Variants in IMPG1 observed in about 807,000 individuals in gnomAD.
IMPG1 encodes interphotoreceptor matrix proteoglycan 1.
IMPG1 carries 85 observed loss-of-function variants against 92.0 expected under a neutral mutation model. The ratio of observed to expected loss-of-function variants is 0.92; its 90% CI spans 0.78 to 1.11. IMPG1 has a LOEUF of 1.11. Ranked by LOEUF, IMPG1 falls within the 50% of genes least tolerant of loss-of-function variation. The pLI is 0.00. For missense variants in IMPG1, 1,022 were observed against 956.0 expected (o/e 1.07, Z -0.91); for synonymous variants, 367 against 334.1 (o/e 1.10, Z -1.08).
chr6:75,991,900 G>A (rs1461353322), intron 12 of IMPG1, among the ~76,000 whole-genome samples: 1 of 152,106 alleles, frequency 6.6e-6, no homozygotes, highest in Non-Finnish European at 1.5e-5. Flanking sequence ...TTCCGACTGT[G>A]CTGAGCTCAT....
Position 76,005,335 on chromosome 6 carries a change from G to C in IMPG1, c.1087C>G (p.Leu363Val). 6.2e-7 allele frequency: 1 copy of C among 1,613,928 alleles called. No individual in the cohort carries two copies. Among genetic ancestry groups the C allele is most frequent in the Non-Finnish European group, 8.5e-7 (1 of 1,179,856 alleles). ...ACATCCAAAGATTGTTCTTCCTCTA[G>C]TGCTTTGCTGATCAGCCTTTTGAGG... ...TDLKRLISKA[L>V]EEEQSLDVGT... Residue 363 changes from leucine (L) to valine (V), a missense_variant, in exon 10 of 17, where the codon CTA becomes GTA. Physicochemically the swap from Leu to Val is conservative, Grantham distance 32. Coordinates refer to ENST00000369950, the MANE Select transcript of IMPG1 (RefSeq NM_001563.4).
At chr6:76,009,833 A>G (rs1399007644) in intron 8 of IMPG1, among the ~76,000 whole-genome samples, 1 of 152,264 alleles carries the variant, frequency 6.6e-6, no homozygotes, top group Non-Finnish European at 1.5e-5. Flanking sequence ...GAGGTGGATA[A>G]TGAACATTTT....
chr6:76,006,529 CGT>C (rs557341296), intron 9 of IMPG1, among the ~76,000 whole-genome samples: 12 of 146,822 alleles, frequency 8.2e-5, no homozygotes, highest in East Asian at 2.0e-4. Flanking sequence ...GGTATATATA[CGT>C]GTGTGTGTGT....
chr6:75,999,286 G>C (rs1226454071), intron 12 of IMPG1, among the ~76,000 whole-genome samples: 1 of 149,768 alleles, frequency 6.7e-6, no homozygotes, highest in Admixed American at 6.6e-5. Flanking sequence ...TAGTGTCCTA[G>C]ATGCATATTT....
At chr6:76,056,537 G>A (rs1201078041) in intron 1 of IMPG1, among the ~76,000 whole-genome samples, 1 of 151,932 alleles carries the variant, frequency 6.6e-6, no homozygotes, top group East Asian at 1.9e-4. Context: ...TCATTTTTTG[G>A]GCATGCACCC....
chr6:75,926,203 T>C (rs1271680323), intron 15 of IMPG1, among the ~76,000 whole-genome samples: 3 of 152,200 alleles, frequency 2.0e-5, no homozygotes, highest in African/African-American at 7.2e-5. Flanking sequence ...CCTCACTGTA[T>C]GTTCCAAGCG....
At chr6:75,937,091 G>A (rs1213387556) in intron 14 of IMPG1, among the ~76,000 whole-genome samples, 1 of 152,090 alleles carries the variant, frequency 6.6e-6, no homozygotes, top group Non-Finnish European at 1.5e-5. Context: ...CATGACCCCA[G>A]GAGACAGGGC....
chr6:76,055,488 C>T (rs1309171811), intron 1 of IMPG1, among the ~76,000 whole-genome samples: 1 of 151,532 alleles, frequency 6.6e-6, no homozygotes, highest in African/African-American at 2.4e-5. Flanking sequence ...ATGCATCCAT[C>T]TTAAAAGAGT....
chr6:76,021,376 A>C (rs1310009044), intron 6 of IMPG1, among the ~76,000 whole-genome samples: 2 of 152,186 alleles, frequency 1.3e-5, no homozygotes, highest in African/African-American at 4.8e-5. Flanking sequence ...AACCTTGGAC[A>C]CATGCTCTCA....
At chr6:75,937,829 G>A (rs1781772750) in intron 14 of IMPG1, among the ~76,000 whole-genome samples, 1 of 152,082 alleles carries the variant, frequency 6.6e-6, no homozygotes, top group Admixed American at 6.5e-5. Flanking sequence ...ACCATTTACC[G>A]GCCTTGAGGG....
At chr6:76,040,505 T>C (rs975323881) in intron 2 of IMPG1, among the ~76,000 whole-genome samples, 1 of 152,210 alleles carries the variant, frequency 6.6e-6, no homozygotes, top group Non-Finnish European at 1.5e-5. Flanking sequence ...TCACTGTCTT[T>C]TCTCTATTTT....
chr6:76,056,059 T>A (rs1784115606), intron 1 of IMPG1, among the ~76,000 whole-genome samples: 1 of 152,000 alleles, frequency 6.6e-6, no homozygotes, highest in South Asian at 2.1e-4. Context: ...CCGAGCTTGC[T>A]TATGAATATG....
intron 5 of IMPG1, among the ~76,000 whole-genome samples, chr6:76,024,141 C>T (rs1783482131): frequency 6.6e-6 from 1 of 152,042 alleles, no homozygotes; most frequent in South Asian, 2.1e-4. Context: ...AGCTACAAGT[C>T]AGTCCAGAAA....
intron 12 of IMPG1, among the ~76,000 whole-genome samples, chr6:75,967,144 CT>C (rs1158145105): frequency 6.6e-6 from 1 of 152,016 alleles, no homozygotes; most frequent in Non-Finnish European, 1.5e-5. Context: ...TGCCATTGCA[CT>C]CCAGCCTGGG....
chr6:75,922,701 T>A (rs1037910507), intron 16 of IMPG1, among the ~76,000 whole-genome samples: 2 of 152,310 alleles, frequency 1.3e-5, no homozygotes, highest in South Asian at 4.1e-4. Context: ...CAATATCAGA[T>A]CCTGTGTCCT....
chr6:76,026,761 C>CT (rs1235547402), intron 4 of IMPG1, among the ~76,000 whole-genome samples: 2 of 151,730 alleles, frequency 1.3e-5, no homozygotes, highest in East Asian at 3.9e-4. Context: ...CTTTAAAGTT[C>CT]TTTTTCCCCT....
chr6:75,993,596 C>T (rs779979199), intron 12 of IMPG1, among the ~76,000 whole-genome samples: 5 of 152,134 alleles, frequency 3.3e-5, no homozygotes, highest in Non-Finnish European at 5.9e-5. Context: ...GACCTAATTA[C>T]ATCCCAAAGG....
chr6:76,064,952 C>T (rs1259530120), intron 1 of IMPG1, among the ~76,000 whole-genome samples: 1 of 152,050 alleles, frequency 6.6e-6, no homozygotes, highest in Admixed American at 6.6e-5. Flanking sequence ...CAAAGGCTAC[C>T]TACAACTAAG....
Position 76,005,302 on chromosome 6 carries a change from T to C in IMPG1, c.1120A>G (p.Ile374Val). The change falls in exon 10 of 17, where the codon ATT becomes GTT. Residue 374 changes from isoleucine (I) to valine (V), a missense_variant. By Grantham distance (29) the Ile-to-Val change is conservative. This residue lies in a region of IMPG1 where 681 missense variants were observed against 583.6 expected (regional missense o/e 1.17). Transcript: ENST00000369950. Reference protein sequence around the residue: ...EEEQSLDVGTIQFTDEIAGSL... With the variant: ...EEEQSLDVGTVQFTDEIAGSL... Reference sequence around the variant, plus strand: ...ATTAACTGACCATCAGTGAACTGAATTGTCCCCACATCCAAAGATTGTTCT... The same window carrying C: ...ATTAACTGACCATCAGTGAACTGAACTGTCCCCACATCCAAAGATTGTTCT... 2 of 1,614,002 alleles carry C rather than the reference T, an allele frequency of 1.2e-6. No homozygotes were observed. The highest frequency in any genetic ancestry group is 1.7e-6 in the Non-Finnish European group (2 of 1,179,924).
Sources: allele counts gnomAD v4.1 joint callset (sites outside exome capture counted in the v4.1 genomes callset), GRCh38; gene constraint gnomAD v4.1.1; regional missense constraint gnomAD v4.1.1; transcripts MANE v1.5; gene names NCBI Gene and HGNC (gene_info 2026-07-23, HGNC 2026-07-21).